SETD1A: variants seen among roughly 807,000 people sequenced by gnomAD.
SETD1A encodes the protein SET domain containing 1A, histone lysine methyltransferase.
SETD1A carries 29 observed loss-of-function variants against 149.9 expected under a neutral mutation model. The observed-to-expected ratio is 0.19, with a 90% CI of 0.14 to 0.26. The LOEUF (loss-of-function observed/expected upper bound fraction) is 0.26. SETD1A is among the 10% of genes least tolerant of loss of function. SETD1A has a pLI of 1.00. For synonymous variants in SETD1A, 1,141 were observed against 968.5 expected (o/e 1.18, Z -3.31); for missense variants, 2,109 against 2,353.1 (o/e 0.90, Z 2.15).
intron 3 of SETD1A, among the ~76,000 whole-genome samples, chr16:30,960,726 CTTTCTTTTTTTTTT>C (rs2056040529): frequency 8.6e-6 from 1 of 116,462 alleles, no homozygotes; most frequent in Non-Finnish European, 1.9e-5. Flanking sequence ...TTCTTTCTTT[CTTTCTTTTTTTTTT>C]TTTTTTTTTT....
chr16:30,969,565 C>T (rs1269752329), intron 11 of SETD1A, 37 bp from the exon 12 acceptor site: 1 of 1,605,034 alleles, frequency 6.2e-7, no homozygotes, highest in South Asian at 1.1e-5. Context: ...ACCAGTTGTC[C>T]CCTTCCTGTT....
Position 30,980,308 on chromosome 16 carries a change from C to T in SETD1A, c.4408+114C>T, listed in dbSNP as rs1596693329. The T allele has an allele frequency of 1.4e-6, 2 of 1,444,454 alleles. No individual in the cohort carries two copies. Among genetic ancestry groups the T allele is most frequent in the Non-Finnish European group, 9.2e-7 (1 of 1,084,652 alleles). 89.5% of individuals were successfully genotyped at this position (1,444,454 alleles called of 1,614,324 possible). ...CCCCTCTGGCTCCAAGCCATCTTTT[C>T]TCTCCTCCTGGTGCCTCTTTTCTGC... On this transcript the variant is annotated intron_variant, in intron 14 of 18. Coordinates refer to ENST00000262519, the MANE Select transcript of SETD1A (RefSeq NM_014712.3). The surrounding 1 kb of genome is among the most constrained non-coding windows in gnomAD (Gnocchi z 7.7).
chr16:30,969,700 G>A lies in SETD1A; in HGVS notation c.3016+11G>A, dbSNP rs1157112838. 1.9e-6 allele frequency: 3 copies of A among 1,610,818 alleles called. No individual in the cohort carries two copies. Among genetic ancestry groups the A allele is most frequent in the Non-Finnish European group, 2.5e-6 (3 of 1,177,044 alleles). On this transcript the variant is annotated intron_variant, in intron 12 of 18. Coordinates refer to ENST00000262519, the MANE Select transcript of SETD1A (RefSeq NM_014712.3). ...CAGAGGTGTCGGATGGTGAGCACAAGACAGTGAAATCGACTTTGGGCTCGG... is the reference window on the plus strand; with the variant it reads ...CAGAGGTGTCGGATGGTGAGCACAAAACAGTGAAATCGACTTTGGGCTCGG...
rs1242583695 is a variant in SETD1A, at chr16:30,965,816, G to A, written c.1935G>A (p.Glu645=). Residue 645 remains glutamate (E), a synonymous_variant, in exon 8 of 19, where the codon GAG becomes GAA. Transcript: ENST00000262519. The part of the protein sequence containing the change: ...PPRPDGPPPP[E]YPPPPPPPPH... ...GACCTGATGGGCCGCCGCCCCCTGAGTACCCCCCACCTCCTCCACCACCCC... is the reference window on the plus strand; with the variant it reads ...GACCTGATGGGCCGCCGCCCCCTGAATACCCCCCACCTCCTCCACCACCCC... 6.3e-7 allele frequency: 1 copy of A among 1,588,712 alleles called. No homozygotes were observed. The highest frequency in any genetic ancestry group is 8.6e-7 in the Non-Finnish European group (1 of 1,166,800).
At chr16:30,973,368 G>T (rs1162083319) in intron 13 of SETD1A, among the ~76,000 whole-genome samples, 1 of 152,100 alleles carries the variant, frequency 6.6e-6, no homozygotes, top group Non-Finnish European at 1.5e-5. Context: ...GGTGTTGCAA[G>T]GATAGATCAA....
chr16:30,964,563 T>C, intron 6 of SETD1A, 49 bp from the exon 7 acceptor site: 3 of 1,582,226 alleles, frequency 1.9e-6, no homozygotes, highest in Non-Finnish European at 2.6e-6. Flanking sequence ...TACGCTGTGG[T>C]TTGGTCATAG....
chr16:30,980,115 G>A lies in SETD1A; in HGVS notation c.4329G>A (p.Leu1443=), dbSNP rs563291051. 3 of 1,613,484 alleles carry A rather than the reference G, an allele frequency of 1.9e-6. No homozygotes were observed. The African/African-American group carries it at 4.0e-5, about 22-fold the overall frequency. The part of the protein sequence containing the change: ...SGLDSEDMSY[L]RLTYERLLQQ... ...TGGACTCAGAGGACATGAGTTACCT[G>A]CGGCTTACGTACGAGCGGCTGCTGC... Residue 1443 remains leucine, a synonymous_variant, in exon 14 of 19, where the codon CTG becomes CTA. Transcript: ENST00000262519. This position sits in a 1 kb window ranked among gnomAD's most constrained non-coding sequence, Gnocchi z 7.7.
chr16:30,984,144 T>A lies in SETD1A; in HGVS notation c.*121T>A. The A allele has an allele frequency of 2.0e-6, 2 of 998,962 alleles. No individual in the cohort carries two copies. Among genetic ancestry groups the A allele is most frequent in the Non-Finnish European group, 2.8e-6 (2 of 704,450 alleles). The allele number at this position is 998,962 out of a possible 1,614,324, so 61.9% of individuals were successfully genotyped here. On this transcript the variant is annotated 3_prime_UTR_variant, in exon 19 of 19. Coordinates refer to ENST00000262519, the MANE Select transcript of SETD1A (RefSeq NM_014712.3). ...CATGCCCCCATCTCCAAGCGTGGGGTTGGGGGCCCCAAGCCCAGCGAGGGA... is the reference window on the plus strand; with the variant it reads ...CATGCCCCCATCTCCAAGCGTGGGGATGGGGGCCCCAAGCCCAGCGAGGGA...
intron 10 of SETD1A, among the ~76,000 whole-genome samples, chr16:30,968,466 A>G (rs1267903983): frequency 2.0e-5 from 3 of 151,588 alleles, no homozygotes; most frequent in African/African-American, 4.9e-5. Context: ...ACACACAAAT[A>G]TATACACACA....
intron 13 of SETD1A, among the ~76,000 whole-genome samples, chr16:30,973,483 A>G (rs1567359096): frequency 6.6e-6 from 1 of 152,064 alleles, no homozygotes; most frequent in Non-Finnish European, 1.5e-5. Flanking sequence ...GCGAAACCCC[A>G]TCTCTACCAG....
intron 12 of SETD1A, 30 bp from the exon 13 acceptor site, chr16:30,971,348 C>G (rs776483926): frequency 6.4e-7 from 1 of 1,552,824 alleles, no homozygotes; most frequent in Non-Finnish European, 8.7e-7. Flanking sequence ...GTCTGCCCAC[C>G]TCTCCTGACT....
At chr16:30,972,070 T>C (rs918300409) in intron 13 of SETD1A, among the ~76,000 whole-genome samples, 7 of 152,214 alleles carry the variant, frequency 4.6e-5, no homozygotes, top group Admixed American at 3.9e-4. Flanking sequence ...GGTTATTAAA[T>C]GGGCAAATAG....
chr16:30,979,730 T>C lies in SETD1A; in HGVS notation c.3944T>C (p.Leu1315Pro). 1.3e-6 allele frequency: 2 copies of C among 1,599,586 alleles called. No individual in the cohort carries two copies. The highest frequency in any genetic ancestry group is 2.2e-5 in the South Asian group (2 of 90,880). The stretch of plus-strand genomic sequence containing the variant: ...AAGCCCACGCCCCCTGCGCCAGCCC[T>C]GCGGCCCCCGGAGCCAGTGCCCGCA... The part of the protein sequence containing the change: ...AVKPTPPAPA[L>P]RPPEPVPAPA... Residue 1315 changes from leucine to proline, a missense_variant, in exon 14 of 19, where the codon CTG becomes CCG. Transcript: ENST00000262519.
At chr16:30,976,781 G>A (rs1189969950) in intron 13 of SETD1A, among the ~76,000 whole-genome samples, 4 of 152,060 alleles carry the variant, frequency 2.6e-5, no homozygotes, top group African/African-American at 4.8e-5. Flanking sequence ...GTAAACAGGC[G>A]TGATTGCCAA....
At chr16:30,969,559 G>A in intron 11 of SETD1A, 43 bp from the exon 12 acceptor site, 1 of 1,604,600 alleles carries the variant, frequency 6.2e-7, no homozygotes. Flanking sequence ...TGTAGGACCA[G>A]TTGTCCCCTT....
At chr16:30,966,795 C>T (rs2056153567) in intron 8 of SETD1A, 89 bp from the exon 9 acceptor site, 5 of 1,392,512 alleles carry the variant, frequency 3.6e-6, no homozygotes, top group Non-Finnish European at 3.8e-6. Flanking sequence ...TAGATGCGTT[C>T]TGTATTCCTG....
chr16:30,978,382 G>C (rs1042250029), intron 13 of SETD1A, among the ~76,000 whole-genome samples: 2 of 152,134 alleles, frequency 1.3e-5, no homozygotes, highest in Non-Finnish European at 2.9e-5. Context: ...CCATTGGGCT[G>C]GCTCTGAGAG....
At chr16:30,978,252 G>A (rs535277775) in intron 13 of SETD1A, among the ~76,000 whole-genome samples, 4 of 137,584 alleles carry the variant, frequency 2.9e-5, no homozygotes, top group South Asian at 2.3e-4. Flanking sequence ...CCCACCTGGC[G>A]ACAGGGCGAG....
At chr16:30,968,159 C>T (rs892054004) in intron 10 of SETD1A, among the ~76,000 whole-genome samples, 1 of 152,174 alleles carries the variant, frequency 6.6e-6, no homozygotes, top group African/African-American at 2.4e-5. Context: ...AATCCCAGCA[C>T]TTCCAGAGGC....
Sources: gnomAD v4.1 joint callset for allele counts (sites outside exome capture counted in the v4.1 genomes callset) on GRCh38, gnomAD v4.1.1 for gene constraint, Gnocchi (gnomAD v3.1) non-coding constraint, MANE v1.5 for transcripts, NCBI Gene and HGNC (gene_info 2026-07-23, HGNC 2026-07-21) for gene names.